The following NALCN variants were observed in gnomAD, a reference collection of about 807,000 sequenced individuals.
NALCN encodes the protein sodium leak channel, non-selective, also known as sodium leak channel NALCN.
In NALCN, 111 loss-of-function variants were observed where a neutral mutation model predicts 225.3. That is an observed-to-expected ratio of 0.49 (90% CI 0.42 to 0.58). The LOEUF (loss-of-function observed/expected upper bound fraction) is 0.58, where lower values mean the gene tolerates loss of function less well. NALCN is among the 20% of genes least tolerant of loss of function. The pLI is 0.00. For missense variants in NALCN, 1,378 were observed against 2,202.4 expected (o/e 0.63, Z 7.49); for synonymous variants, 764 against 769.0 (o/e 0.99, Z 0.11).
chr13:101,315,493 G>T (rs1431416069), intron 7 of NALCN, among the ~76,000 whole-genome samples: 1 of 152,108 alleles, frequency 6.6e-6, no homozygotes, highest in Non-Finnish European at 1.5e-5. Context: ...AGGCCTAGAT[G>T]AATTCACAGC....
chr13:101,057,985 G>A lies in NALCN; in HGVS notation c.4977C>T (p.Asp1659=), dbSNP rs78817184. ...CAAATTTCCTCTGGGGTTTCCCTGCGTCGGCTGCATCTTGCCGACTTCCTC... is the reference window on the plus strand; with the variant it reads ...CAAATTTCCTCTGGGGTTTCCCTGCATCGGCTGCATCTTGCCGACTTCCTC... ...DRGGSRQDAA[D]AGKPQRKFGQ... is the part of the protein sequence containing the mutation. The change falls in exon 43 of 44, where the codon GAC becomes GAT. Residue 1659 remains aspartate (D), a synonymous_variant. Transcript: ENST00000251127. The A allele has an allele frequency of 3.3e-3, 5,329 of 1,613,936 alleles. 24 individuals are homozygous for A. The highest frequency in any genetic ancestry group is 3.8e-3 in the Non-Finnish European group (4,445 of 1,180,026).
chr13:101,412,587 A>G (rs2047821867), intron 1 of NALCN, among the ~76,000 whole-genome samples: 1 of 152,094 alleles, frequency 6.6e-6, no homozygotes, highest in South Asian at 2.1e-4. Context: ...CCAACTTTCA[A>G]CTTCGCTCCT....
At chr13:101,276,062 CAAAAAAAAAAAAAAAAAAAAA>C (rs59471123) in intron 10 of NALCN, among the ~76,000 whole-genome samples, 1 of 84,312 alleles carries the variant, frequency 1.2e-5, no homozygotes. Context: ...GACTCCTTCT[CAAAAAAAAAAAAAAAAAAAAA>C]AAAAAAAAAG....
At chr13:101,060,738 C>G (rs1420796787) in intron 41 of NALCN, among the ~76,000 whole-genome samples, 1 of 152,076 alleles carries the variant, frequency 6.6e-6, no homozygotes, top group Non-Finnish European at 1.5e-5. Flanking sequence ...ATGAGAAAAC[C>G]TTTGTGCTTG....
chr13:101,388,539 T>G (rs2047057008), intron 3 of NALCN, among the ~76,000 whole-genome samples: 2 of 152,180 alleles, frequency 1.3e-5, no homozygotes, highest in Admixed American at 6.5e-5. Context: ...TCCTAAGTCA[T>G]TTCTTTCTCT....
chr13:101,265,279 T>C (rs1189403324), intron 10 of NALCN, among the ~76,000 whole-genome samples: 1 of 152,158 alleles, frequency 6.6e-6, no homozygotes, highest in African/African-American at 2.4e-5. Context: ...TACCTGACCA[T>C]AGGGTTCCAC....
At chr13:101,067,692 G>A (rs1254154812) in intron 39 of NALCN, among the ~76,000 whole-genome samples, 11 of 152,098 alleles carry the variant, frequency 7.2e-5, no homozygotes, top group East Asian at 1.9e-4. Flanking sequence ...GCTGGCCTTC[G>A]GAAAGTCTGA....
At chr13:101,259,441 C>T (rs893585629) in intron 10 of NALCN, among the ~76,000 whole-genome samples, 3 of 151,858 alleles carry the variant, frequency 2.0e-5, no homozygotes, top group African/African-American at 4.8e-5. Flanking sequence ...TCACGTCATT[C>T]TCCGGCTTCA....
At chr13:101,316,046 A>C (rs528819) in intron 7 of NALCN, among the ~76,000 whole-genome samples, 62,022 of 151,940 alleles carry the variant, frequency 0.41, 13,033 homozygotes, top group Middle Eastern at 0.47. Flanking sequence ...AAGTCACCCA[A>C]TACTCAAGTG....
chr13:101,249,752 A>G (rs2042006856), intron 11 of NALCN, among the ~76,000 whole-genome samples: 2 of 152,158 alleles, frequency 1.3e-5, no homozygotes, highest in Non-Finnish European at 2.9e-5. Context: ...AGCTTTATTA[A>G]CATGATGAAA....
intron 3 of NALCN, among the ~76,000 whole-genome samples, chr13:101,393,452 C>T (rs762840172): frequency 7.2e-5 from 11 of 152,176 alleles, no homozygotes; most frequent in Non-Finnish European, 1.5e-4. Context: ...GTAGAATCTT[C>T]CACAAGACAA....
At chr13:101,279,907 C>G (rs1274990130) in intron 10 of NALCN, among the ~76,000 whole-genome samples, 1 of 151,148 alleles carries the variant, frequency 6.6e-6, no homozygotes, top group East Asian at 1.9e-4. Context: ...CCTGTTCAGC[C>G]TTGAGGGTAA....
At position 101,380,841 on chromosome 13, in the gene NALCN, T is replaced by C. The variant is rs1379580895; in HGVS notation, c.292-2188A>G. On this transcript the variant is annotated intron_variant, in intron 3 of 43. Coordinates refer to ENST00000251127, the MANE Select transcript of NALCN (RefSeq NM_052867.4). ...TAAGTGCCTGTTTTACATTAGAGGA[T>C]ATATAATGCCTAGCTAACACACACA... Among the ~76,000 whole-genome samples the C allele has an allele frequency of 3.4e-5, 5 of 146,564 alleles. No individual in the cohort carries two copies. In the Admixed American group the frequency reaches 3.5e-4, roughly 10 times the overall value.
At chr13:101,140,372 T>C (rs558462444) in intron 17 of NALCN, among the ~76,000 whole-genome samples, 2 of 152,318 alleles carry the variant, frequency 1.3e-5, no homozygotes, top group East Asian at 1.9e-4. Flanking sequence ...TCAGGAAATG[T>C]GAGAAACAAT....
intron 17 of NALCN, among the ~76,000 whole-genome samples, chr13:101,132,330 T>C (rs637621): frequency 0.14 from 21,135 of 152,062 alleles, 2,925 homozygotes; most frequent in African/African-American, 0.36. Context: ...ATTAGGTTTC[T>C]GATTTTGTTA....
chr13:101,257,164 C>G (rs1038162253), intron 11 of NALCN, among the ~76,000 whole-genome samples: 1 of 151,640 alleles, frequency 6.6e-6, no homozygotes, highest in Non-Finnish European at 1.5e-5. Flanking sequence ...TCTTCATCAG[C>G]CCCTGTCATT....
rs193050695 is a variant in NALCN at position 101,141,809 on chromosome 13, C to T, written c.2118+1271G>A. ...TGAAACAGTTGGCATTTTATTGTCA[C>T]ATGATCATAGAGAAATATGGATTTC... On this transcript the variant is annotated intron_variant, in intron 17 of 43. Transcript: ENST00000251127. Among the ~76,000 whole-genome samples the T allele has an allele frequency of 2.5e-3, 381 of 152,148 alleles. 1 individual carries two copies. Among genetic ancestry groups the T allele is most frequent in the Non-Finnish European group, 4.2e-3 (289 of 68,006 alleles).
intron 14 of NALCN, among the ~76,000 whole-genome samples, chr13:101,176,617 A>C (rs2038969756): frequency 6.6e-6 from 1 of 152,238 alleles, no homozygotes; most frequent in South Asian, 2.1e-4. Context: ...CTTAAAAAGG[A>C]AATTAAGAAA....
At chr13:101,260,740 T>C (rs1457133620) in intron 10 of NALCN, among the ~76,000 whole-genome samples, 4 of 152,168 alleles carry the variant, frequency 2.6e-5, no homozygotes, top group Non-Finnish European at 5.9e-5. Context: ...TCCTATAGAG[T>C]TGTTTCAGGT....
Sources: allele counts gnomAD v4.1 joint callset (sites outside exome capture counted in the v4.1 genomes callset), GRCh38; gene constraint gnomAD v4.1.1; transcripts MANE v1.5; gene names NCBI Gene and HGNC (gene_info 2026-07-23, HGNC 2026-07-21).